The following GPRC6A variants were observed in gnomAD, a reference collection of about 807,000 sequenced individuals.
The protein encoded by GPRC6A is G protein-coupled receptor family C group 6 member A.
Under a neutral mutation model 47.0 loss-of-function variants are expected in GPRC6A, and 54 were observed. That is an observed-to-expected ratio of 1.15 (90% CI 0.92 to 1.44). The LOEUF is 1.44. GPRC6A is among the 40% of genes most tolerant of loss of function. The pLI is 0.00. For synonymous variants in GPRC6A, 347 were observed against 377.1 expected (o/e 0.92, Z 0.93); for missense variants, 1,112 against 1,105.5 (o/e 1.01, Z -0.08).
At chr6:116,820,600 A>G (rs1225972672) in intron 1 of GPRC6A, among the ~76,000 whole-genome samples, 63 of 149,236 alleles carry the variant, frequency 4.2e-4, no homozygotes, top group Non-Finnish European at 6.8e-4. Flanking sequence ...AGAGCCAAAG[A>G]CAAAAACCAC....
rs1772863664 is a variant in GPRC6A at position 116,806,916 on chromosome 6, C to T, written c.789G>A (p.Lys263=). The T allele has an allele frequency of 6.2e-7, 1 of 1,613,564 alleles. No individual in the cohort carries two copies. Among genetic ancestry groups the T allele is most frequent in the Admixed American group, 1.7e-5 (1 of 59,866 alleles). ...TAACCTGGGCTTCTAAAATGATTTTCTTCAGTGTCCGATTGATTCTGACTT... is the reference window on the plus strand; with the variant it reads ...TAACCTGGGCTTCTAAAATGATTTTTTTCAGTGTCCGATTGATTCTGACTT... ...TIEVRINRTL[K]KIILEAQVNV... is the part of the protein sequence containing the mutation. Residue 263 remains lysine (K), a synonymous_variant, in exon 3 of 6, where the codon AAG becomes AAA. Coordinates refer to ENST00000310357, the MANE Select transcript of GPRC6A (RefSeq NM_148963.4).
intron 1 of GPRC6A, among the ~76,000 whole-genome samples, chr6:116,811,880 A>G (rs770012921): frequency 2.0e-5 from 3 of 152,192 alleles, no homozygotes; most frequent in Non-Finnish European, 4.4e-5. Flanking sequence ...TGGTATATGG[A>G]ACACCATGAA....
intron 1 of GPRC6A, among the ~76,000 whole-genome samples, chr6:116,813,739 A>G (rs140658507): frequency 0.014 from 2,071 of 152,330 alleles, 58 homozygotes; most frequent in African/African-American, 0.047. Flanking sequence ...AATGGCAACA[A>G]AAGCCAAAAT....
intron 1 of GPRC6A, among the ~76,000 whole-genome samples, chr6:116,814,161 G>C (rs1773126376): frequency 6.6e-6 from 1 of 152,194 alleles, no homozygotes; most frequent in South Asian, 2.1e-4. Flanking sequence ...TGGTGGGAGT[G>C]TAAATTGGTT....
intron 1 of GPRC6A, among the ~76,000 whole-genome samples, chr6:116,813,682 C>G (rs935391543): frequency 6.6e-6 from 1 of 152,144 alleles, no homozygotes; most frequent in Admixed American, 6.5e-5. Context: ...CAGTACCATT[C>G]AGGACATAGG....
At chr6:116,824,774 A>G (rs1174708632) in intron 1 of GPRC6A, among the ~76,000 whole-genome samples, 1 of 152,026 alleles carries the variant, frequency 6.6e-6, no homozygotes, top group Non-Finnish European at 1.5e-5. Flanking sequence ...CCAAAACCAG[A>G]TAAGGACACA....
intron 1 of GPRC6A, among the ~76,000 whole-genome samples, chr6:116,811,790 A>C (rs2114603176): frequency 6.6e-6 from 1 of 152,238 alleles, no homozygotes; most frequent in East Asian, 1.9e-4. Flanking sequence ...AAGACAGTTC[A>C]GGTTCAACTT....
At chr6:116,817,431 TG>T (rs1211456372) in intron 1 of GPRC6A, among the ~76,000 whole-genome samples, 1 of 150,596 alleles carries the variant, frequency 6.6e-6, no homozygotes, top group Non-Finnish European at 1.5e-5. Flanking sequence ...ACCACAAAGA[TG>T]GGGAAAAAAC....
In GPRC6A at chr6:116,792,518, T is replaced by G; in HGVS notation, c.2405A>C (p.Tyr802Ser). The change falls in exon 6 of 6, where the codon TAT (tyrosine) becomes TCT (serine). Residue 802 changes from tyrosine to serine, a missense_variant. Tyr to Ser is a moderately radical substitution (Grantham distance 144). Coordinates refer to ENST00000310357, the MANE Select transcript of GPRC6A (RefSeq NM_148963.4). Reference sequence around the variant, plus strand: ...TACATATTTGCCAAATGTGGTAGCATAGATAGGGATGAATGTGATCCAAGC... The same window carrying G: ...TACATATTTGCCAAATGTGGTAGCAGAGATAGGGATGAATGTGATCCAAGC... ...FIAWITFIPI[Y>S]ATTFGKYVPA... The G allele has an allele frequency of 6.2e-7, 1 of 1,613,852 alleles. No individual in the cohort carries two copies. The highest frequency in any genetic ancestry group is 8.5e-7 in the Non-Finnish European group (1 of 1,179,864).
chr6:116,798,170 T>C (rs2114582084), intron 4 of GPRC6A, among the ~76,000 whole-genome samples: 1 of 152,140 alleles, frequency 6.6e-6, no homozygotes, highest in East Asian at 1.9e-4. Context: ...AAGTTATAAG[T>C]GTTAAGGAGA....
At chr6:116,796,589 G>A (rs2114579754) in intron 4 of GPRC6A, among the ~76,000 whole-genome samples, 1 of 152,260 alleles carries the variant, frequency 6.6e-6, no homozygotes, top group Middle Eastern at 3.4e-3. Flanking sequence ...GAGCAGAATG[G>A]TTAAATGAGT....
chr6:116,812,705 G>A (rs1045898685), intron 1 of GPRC6A, among the ~76,000 whole-genome samples: 38 of 152,258 alleles, frequency 2.5e-4, no homozygotes, highest in African/African-American at 8.4e-4. Flanking sequence ...CACAAGACAA[G>A]GATGCCCTCT....
intron 1 of GPRC6A, among the ~76,000 whole-genome samples, chr6:116,823,934 G>T (rs1773591504): frequency 1.3e-5 from 2 of 152,052 alleles, no homozygotes; most frequent in Admixed American, 1.3e-4. Flanking sequence ...AACAGCACTA[G>T]GGGGATGGTG....
chr6:116,806,314 G>A (rs1772833841), intron 3 of GPRC6A, 56 bp downstream of exon 3: 9 of 1,094,560 alleles, frequency 8.2e-6, no homozygotes. Context: ...TAAAACAAGG[G>A]AGGAAATGGG....
chr6:116,808,355 T>TAAA (rs1246164421), intron 2 of GPRC6A, among the ~76,000 whole-genome samples: 1 of 152,136 alleles, frequency 6.6e-6, no homozygotes, highest in Non-Finnish European at 1.5e-5. Flanking sequence ...CAGTTGTTGT[T>TAAA]AAAAAAGTCT....
At chr6:116,822,779 G>T (rs1195621195) in intron 1 of GPRC6A, among the ~76,000 whole-genome samples, 3 of 150,370 alleles carry the variant, frequency 2.0e-5, no homozygotes, top group African/African-American at 7.4e-5. Flanking sequence ...GTTAGTGGGT[G>T]CAGCGCACCA....
chr6:116,811,725 T>A (rs1488950130), intron 1 of GPRC6A, among the ~76,000 whole-genome samples: 1 of 151,894 alleles, frequency 6.6e-6, no homozygotes, highest in Non-Finnish European at 1.5e-5. Context: ...ACATAACACA[T>A]TTGAAAGCTT....
At chr6:116,817,644 A>G (rs1773274445) in intron 1 of GPRC6A, among the ~76,000 whole-genome samples, 1 of 152,084 alleles carries the variant, frequency 6.6e-6, no homozygotes, top group African/African-American at 2.4e-5. Flanking sequence ...AAAAATTTAG[A>G]CAAATGTATA....
intron 4 of GPRC6A, among the ~76,000 whole-genome samples, chr6:116,798,415 C>T (rs72963945): frequency 0.058 from 8,768 of 152,012 alleles, 379 homozygotes; most frequent in Non-Finnish European, 0.082. Flanking sequence ...CCTGTGGGAT[C>T]GCAGGAGGGC....
Sources: allele counts gnomAD v4.1 joint callset (sites outside exome capture counted in the v4.1 genomes callset), GRCh38; gene constraint gnomAD v4.1.1; transcripts MANE v1.5; gene names NCBI Gene and HGNC (gene_info 2026-07-23, HGNC 2026-07-21).